Variants in RAB3C observed in about 807,000 individuals in gnomAD.
The protein encoded by RAB3C is RAB3C, member RAS oncogene family, also known as ras-related protein Rab-3C.
RAB3C carries 17 observed loss-of-function variants against 26.4 expected under a neutral mutation model. That is an observed-to-expected ratio of 0.64 (90% CI 0.44 to 0.97). The LOEUF is 0.97. RAB3C is among the 50% of genes least tolerant of loss of function. The pLI, the probability that RAB3C is intolerant of heterozygous loss-of-function variation, is 0.00. For synonymous variants in RAB3C, 91 were observed against 95.9 expected, an observed-to-expected ratio of 0.95 and a Z score of 0.30; for missense variants, 242 against 281.9, an observed-to-expected ratio of 0.86 and a Z score of 1.01.
At chr5:58,737,467 G>A (rs1741175606) in intron 3 of RAB3C, among the ~76,000 whole-genome samples, 1 of 121,610 alleles carries the variant, frequency 8.2e-6, no homozygotes, top group Non-Finnish European at 1.7e-5. Context: ...TGTTTACTGT[G>A]TTTATTGGCT....
chr5:58,596,143 T>A (rs553956551), intron 1 of RAB3C, among the ~76,000 whole-genome samples: 14 of 152,142 alleles, frequency 9.2e-5, no homozygotes, highest in African/African-American at 2.9e-4. Context: ...AAAGTTCTGC[T>A]GTGTACCATG....
At chr5:58,820,174 T>C (rs1293083322) in intron 3 of RAB3C, among the ~76,000 whole-genome samples, 2 of 151,772 alleles carry the variant, frequency 1.3e-5, no homozygotes, top group African/African-American at 4.8e-5. Context: ...AAACAGATCT[T>C]GTATGTTAAC....
chr5:58,758,556 G>A (rs1741725026), intron 3 of RAB3C, among the ~76,000 whole-genome samples: 1 of 152,142 alleles, frequency 6.6e-6, no homozygotes, highest in Non-Finnish European at 1.5e-5. Context: ...TCAAACACTG[G>A]TGTGTTGAGA....
intron 2 of RAB3C, among the ~76,000 whole-genome samples, chr5:58,688,980 G>A (rs977556325): frequency 6.6e-6 from 1 of 152,070 alleles, no homozygotes; most frequent in African/African-American, 2.4e-5. Context: ...GCTGACATTT[G>A]TTGACCTTTT....
At chr5:58,731,030 A>G (rs1031070008) in intron 3 of RAB3C, among the ~76,000 whole-genome samples, 3 of 152,084 alleles carry the variant, frequency 2.0e-5, no homozygotes, top group African/African-American at 7.2e-5. Flanking sequence ...TAAGAACAAC[A>G]TGGGAAAAAA....
intron 2 of RAB3C, among the ~76,000 whole-genome samples, chr5:58,700,713 G>A (rs1366936855): frequency 6.6e-6 from 1 of 152,136 alleles, no homozygotes; most frequent in African/African-American, 2.4e-5. Flanking sequence ...ATTATTTGAT[G>A]CATAGGTGTG....
Position 58,856,116 on chromosome 5 carries a change from T to C in RAB3C, c.*4765T>C, listed in dbSNP as rs1744253946. 1 of 152,028 alleles carries C rather than the reference T, an allele frequency of 6.6e-6. No homozygotes were observed. The highest frequency in any genetic ancestry group is 2.4e-5 in the African/African-American group (1 of 41,380). 9.4% of individuals were successfully genotyped at this position (152,028 alleles called of 1,614,324 possible). A position where few individuals can be genotyped will look rare whatever the true frequency, so the allele number is the denominator to read the frequency against. On this transcript the variant is annotated 3_prime_UTR_variant, in exon 5 of 5. Transcript: ENST00000282878. ...TTTTTTTTAAGAAGGCAAAATTCCATCTATGGTGCTTTCTCAGTGCTAGGG... is the reference window on the plus strand; with the variant it reads ...TTTTTTTTAAGAAGGCAAAATTCCACCTATGGTGCTTTCTCAGTGCTAGGG...
intron 2 of RAB3C, among the ~76,000 whole-genome samples, chr5:58,673,899 C>G (rs1748173230): frequency 6.6e-6 from 1 of 152,138 alleles, no homozygotes; most frequent in African/African-American, 2.4e-5. Flanking sequence ...CTTTGTCCAG[C>G]ACCAGCACAT....
intron 2 of RAB3C, among the ~76,000 whole-genome samples, chr5:58,704,469 A>C (rs1240793431): frequency 6.6e-6 from 1 of 152,158 alleles, no homozygotes; most frequent in African/African-American, 2.4e-5. Context: ...AAAGGAAAAA[A>C]TTCTGCTTGT....
chr5:58,829,927 T>C (rs1743575241), intron 4 of RAB3C, among the ~76,000 whole-genome samples: 1 of 152,186 alleles, frequency 6.6e-6, no homozygotes, highest in Admixed American at 6.5e-5. Context: ...TCTATAATAA[T>C]ACTGCGGAGT....
At chr5:58,805,209 A>T (rs1412276668) in intron 3 of RAB3C, among the ~76,000 whole-genome samples, 1 of 152,140 alleles carries the variant, frequency 6.6e-6, no homozygotes, top group Non-Finnish European at 1.5e-5. Context: ...TAACTCAGAA[A>T]TTTAAAAAAA....
chr5:58,702,317 GC>G (rs1322839921), intron 2 of RAB3C, among the ~76,000 whole-genome samples: 1 of 152,202 alleles, frequency 6.6e-6, no homozygotes, highest in East Asian at 1.9e-4. Context: ...CATCATATAG[GC>G]TGTGTGTGCT....
intron 3 of RAB3C, among the ~76,000 whole-genome samples, chr5:58,773,204 A>G (rs566904816): frequency 8.9e-4 from 136 of 152,300 alleles, no homozygotes; most frequent in African/African-American, 3.1e-3. Context: ...GCCTAGGGCC[A>G]GGGGACTAAC....
chr5:58,733,696 G>C (rs1365070332), intron 3 of RAB3C, among the ~76,000 whole-genome samples: 2 of 152,190 alleles, frequency 1.3e-5, no homozygotes, highest in Admixed American at 6.5e-5. Flanking sequence ...AGAAATACCA[G>C]ATCACCGCTG....
chr5:58,671,294 G>A (rs1015047792), intron 2 of RAB3C, among the ~76,000 whole-genome samples: 18 of 152,094 alleles, frequency 1.2e-4, no homozygotes, highest in African/African-American at 3.4e-4. Flanking sequence ...TTTGAAATAT[G>A]AAAAAAACCT....
intron 2 of RAB3C, among the ~76,000 whole-genome samples, chr5:58,664,441 A>G (rs1000995559): frequency 1.3e-5 from 2 of 152,182 alleles, no homozygotes; most frequent in African/African-American, 4.8e-5. Flanking sequence ...ATGGCGAACC[A>G]TTTCAGAATA....
chr5:58,627,645 C>G (rs1747088547), intron 2 of RAB3C, among the ~76,000 whole-genome samples: 1 of 151,976 alleles, frequency 6.6e-6, no homozygotes, highest in Non-Finnish European at 1.5e-5. Flanking sequence ...TAGGCATATT[C>G]TTCTTTTTCC....
intron 3 of RAB3C, among the ~76,000 whole-genome samples, chr5:58,783,600 C>A (rs1460630986): frequency 6.6e-6 from 1 of 152,104 alleles, no homozygotes; most frequent in Admixed American, 6.6e-5. Flanking sequence ...GGAGCAAAGA[C>A]CAAGTATTTT....
intron 3 of RAB3C, among the ~76,000 whole-genome samples, chr5:58,740,338 G>C (rs1386473519): frequency 6.6e-6 from 1 of 152,136 alleles, no homozygotes; most frequent in African/African-American, 2.4e-5. Context: ...CTTCCATTCA[G>C]AGCAGCCCCA....
Sources: allele counts gnomAD v4.1 joint callset (sites outside exome capture counted in the v4.1 genomes callset), GRCh38; gene constraint gnomAD v4.1.1; transcripts MANE v1.5; gene names NCBI Gene and HGNC (gene_info 2026-07-23, HGNC 2026-07-21).